The following TBC1D5 variants were observed in gnomAD, a reference collection of about 807,000 sequenced individuals.
TBC1D5 encodes the protein TBC1 domain family member 5.
In TBC1D5, 75 loss-of-function variants were observed where a neutral mutation model predicts 100.3. That is an observed-to-expected ratio of 0.75 (90% confidence interval 0.62 to 0.91). TBC1D5 has a LOEUF of 0.91. TBC1D5 is among the 40% of genes least tolerant of loss of function. TBC1D5 has a pLI of 0.00. For synonymous variants in TBC1D5, 323 were observed against 325.6 expected, an observed-to-expected ratio of 0.99 and a Z score of 0.09; for missense variants, 910 against 942.4, an observed-to-expected ratio of 0.97 and a Z score of 0.45.
Position 17,486,542 on chromosome 3 carries a change from T to C in TBC1D5, c.97+21932A>G, listed in dbSNP as rs188149613. On this transcript the variant is annotated intron_variant, in intron 3 of 21. Coordinates refer to ENST00000253692, the Ensembl canonical transcript of TBC1D5. ...AGTACATGAGTAGTAGTGACACCAA[T>C]AATGTCAGAGCAGGGAACTCCCAGG... Among the ~76,000 whole-genome samples, 175 of 152,300 alleles carry C rather than the reference T, an allele frequency of 1.1e-3. 2 individuals carry two copies. In the Middle Eastern group the frequency reaches 0.027, roughly 24 times the overall value.
chr3:17,727,939 A>AT (rs1299044833), intron 1 of TBC1D5, among the ~76,000 whole-genome samples: 1 of 152,242 alleles, frequency 6.6e-6, no homozygotes, highest in African/African-American at 2.4e-5. Context: ...ACAAAGTAAT[A>AT]TACAATAAAT....
chr3:17,265,714 G>A (rs781149949), intron 15 of TBC1D5, among the ~76,000 whole-genome samples: 1 of 152,092 alleles, frequency 6.6e-6, no homozygotes, highest in Non-Finnish European at 1.5e-5. Context: ...AGTTTAATAC[G>A]CTGTAACTGA....
intron 13 of TBC1D5, among the ~76,000 whole-genome samples, chr3:17,363,292 A>C (rs2091869349): frequency 6.6e-6 from 1 of 152,086 alleles, no homozygotes; most frequent in African/African-American, 2.4e-5. Context: ...TATATGCTTA[A>C]AAGTAAAATT....
intron 1 of TBC1D5, among the ~76,000 whole-genome samples, chr3:17,631,059 A>AAAAAAAAAG (rs1553888485): frequency 3.0e-5 from 4 of 133,364 alleles, no homozygotes; most frequent in African/African-American, 5.7e-5. Flanking sequence ...AAAAAAAAAA[A>AAAAAAAAAG]AAAGTTAGGC....
chr3:17,265,705 G>A (rs1042404149), intron 15 of TBC1D5, among the ~76,000 whole-genome samples: 4 of 152,128 alleles, frequency 2.6e-5, no homozygotes, highest in African/African-American at 9.7e-5. Context: ...AGAAGAGTTA[G>A]TTTAATACGC....
intron 13 of TBC1D5, among the ~76,000 whole-genome samples, chr3:17,318,562 A>G (rs777792273): frequency 6.6e-6 from 1 of 152,296 alleles, no homozygotes; most frequent in African/African-American, 2.4e-5. Context: ...TGACCCAAAG[A>G]AGCTGGGCAG....
At chr3:17,220,723 T>A (rs2074181033) in intron 17 of TBC1D5, among the ~76,000 whole-genome samples, 1 of 152,286 alleles carries the variant, frequency 6.6e-6, no homozygotes, top group East Asian at 1.9e-4. Flanking sequence ...TCCTTGGAAC[T>A]CCTTAAGCCA....
chr3:17,641,898 CT>C (rs1430439200), intron 1 of TBC1D5, among the ~76,000 whole-genome samples: 2 of 152,004 alleles, frequency 1.3e-5, no homozygotes, highest in East Asian at 1.9e-4. Flanking sequence ...AGACTAATGA[CT>C]TTTTTCCCCT....
chr3:17,220,945 T>G (rs2074213675), intron 17 of TBC1D5, among the ~76,000 whole-genome samples: 1 of 152,166 alleles, frequency 6.6e-6, no homozygotes, highest in South Asian at 2.1e-4. Flanking sequence ...TCTTCAAAGT[T>G]TGGATTATTG....
At chr3:17,734,437 C>G (rs576357986) in intron 1 of TBC1D5, among the ~76,000 whole-genome samples, 7 of 152,222 alleles carry the variant, frequency 4.6e-5, no homozygotes, top group Non-Finnish European at 8.8e-5. Context: ...TTTTTGGACC[C>G]TCTACTTCAT....
intron 18 of TBC1D5, among the ~76,000 whole-genome samples, chr3:17,194,790 T>G (rs1008825237): frequency 6.6e-6 from 1 of 152,260 alleles, no homozygotes; most frequent in African/African-American, 2.4e-5. Context: ...TACTGCCATT[T>G]TAACATTGTG....
In TBC1D5 at chr3:17,671,841, G is replaced by T. The variant is rs1652131142; in HGVS notation, c.-100-47928C>A. Among the ~76,000 whole-genome samples, 3 of 152,218 alleles carry T rather than the reference G, an allele frequency of 2.0e-5. No individual in the cohort carries two copies. The South Asian group carries it at 6.2e-4, about 32-fold the overall frequency. ...TATGATTAAAACAGAGATCATTTTT[G>T]GTACATAACGTATTGCACTATGAGA... On this transcript the variant is annotated intron_variant, in intron 1 of 21. Coordinates refer to ENST00000253692, the Ensembl canonical transcript of TBC1D5.
chr3:17,723,433 T>C (rs144097045), intron 1 of TBC1D5, among the ~76,000 whole-genome samples: 1 of 152,230 alleles, frequency 6.6e-6, no homozygotes, highest in Non-Finnish European at 1.5e-5. Context: ...AAAATACTGA[T>C]GATTTTGAAC....
At chr3:17,624,331 A>G (rs2062898786) in intron 1 of TBC1D5, among the ~76,000 whole-genome samples, 1 of 152,158 alleles carries the variant, frequency 6.6e-6, no homozygotes, top group Non-Finnish European at 1.5e-5. Flanking sequence ...ATTTTTTTAT[A>G]ATTAAGCAAT....
chr3:17,734,612 T>C (rs1014540644), intron 1 of TBC1D5, among the ~76,000 whole-genome samples: 1 of 152,192 alleles, frequency 6.6e-6, no homozygotes, highest in African/African-American at 2.4e-5. Flanking sequence ...CTACATAAAA[T>C]GTTAAAACCT....
intron 17 of TBC1D5, 131 bp downstream of exon 18, chr3:17,233,554 C>G: frequency 1.8e-6 from 1 of 568,142 alleles, no homozygotes; most frequent in Non-Finnish European, 3.1e-6. Context: ...CACTCAGTGG[C>G]TGAACAATGG....
At chr3:17,469,940 A>C (rs1445940105) in intron 3 of TBC1D5, among the ~76,000 whole-genome samples, 1 of 152,256 alleles carries the variant, frequency 6.6e-6, no homozygotes, top group East Asian at 1.9e-4. Context: ...TTTTACATAA[A>C]GAATTTAGTT....
intron 13 of TBC1D5, among the ~76,000 whole-genome samples, chr3:17,327,542 T>TG (rs1227077553): frequency 6.6e-6 from 1 of 152,202 alleles, no homozygotes; most frequent in African/African-American, 2.4e-5. Flanking sequence ...CCTTTGTACT[T>TG]GCAATGCCAT....
At chr3:17,614,008 T>C (rs2061906999) in intron 2 of TBC1D5, among the ~76,000 whole-genome samples, 1 of 152,268 alleles carries the variant, frequency 6.6e-6, no homozygotes, top group Non-Finnish European at 1.5e-5. Context: ...CTAGAGTTTT[T>C]ATGGTTTTCG....
Sources: gnomAD v4.1 joint callset for allele counts (sites outside exome capture counted in the v4.1 genomes callset) on GRCh38, gnomAD v4.1.1 for gene constraint, MANE v1.5 for transcripts, NCBI Gene and HGNC (gene_info 2026-07-23, HGNC 2026-07-21) for gene names.